PARD3B: variants seen among roughly 807,000 people sequenced by gnomAD.
The protein encoded by PARD3B is par-3 family cell polarity regulator beta, also known as partitioning defective 3 homolog B.
Under a neutral mutation model 130.2 loss-of-function variants are expected in PARD3B, and 103 were observed. The observed-to-expected ratio is 0.79, with a 90% CI of 0.67 to 0.93. PARD3B has a LOEUF of 0.93. PARD3B is among the 40% of genes least tolerant of loss of function. The probability of loss-of-function intolerance (pLI) is 0.00; values close to 1 mark genes in which losing one functional copy is unlikely to be tolerated. For synonymous variants in PARD3B, 583 were observed against 553.2 expected, an observed-to-expected ratio of 1.05 and a Z score of -0.76; for missense variants, 1,609 against 1,499.2, an observed-to-expected ratio of 1.07 and a Z score of -1.21.
At chr2:205,328,663 C>T (rs1395246166) in intron 18 of PARD3B, among the ~76,000 whole-genome samples, 1 of 152,108 alleles carries the variant, frequency 6.6e-6, no homozygotes, top group Non-Finnish European at 1.5e-5. Context: ...ACTTTAAAAA[C>T]ACTGTAACCT....
intron 19 of PARD3B, among the ~76,000 whole-genome samples, chr2:205,409,096 G>A (rs143305606): frequency 3.4e-4 from 52 of 152,294 alleles, no homozygotes; most frequent in Non-Finnish European, 6.2e-4. Context: ...ACTTGGTGGT[G>A]TTTCTCAGGA....
chr2:204,889,365 C>G (rs2125685797), intron 2 of PARD3B, among the ~76,000 whole-genome samples: 1 of 152,306 alleles, frequency 6.6e-6, no homozygotes, highest in East Asian at 1.9e-4. Flanking sequence ...TGTCTCTCTA[C>G]TATATATAAA....
At chr2:205,082,671 C>A (rs928765377) in intron 4 of PARD3B, among the ~76,000 whole-genome samples, 5 of 151,782 alleles carry the variant, frequency 3.3e-5, no homozygotes, top group Admixed American at 2.0e-4. Context: ...TGTTACATGT[C>A]CATGTTCCAT....
chr2:204,965,131 T>C (rs369974477), intron 2 of PARD3B, 21 bp from the exon 3 acceptor site: 1 of 1,609,152 alleles, frequency 6.2e-7, no homozygotes, highest in Non-Finnish European at 8.5e-7. Context: ...AAGTAATTAG[T>C]GTTGTTGGAT....
At chr2:204,617,408 C>A (rs2034148529) in intron 1 of PARD3B, among the ~76,000 whole-genome samples, 1 of 152,116 alleles carries the variant, frequency 6.6e-6, no homozygotes, top group Non-Finnish European at 1.5e-5. Flanking sequence ...CTGTTGCTTT[C>A]CCAGGTAAAA....
At chr2:204,888,730 C>CAAAA (rs11315348) in intron 2 of PARD3B, among the ~76,000 whole-genome samples, 5 of 81,376 alleles carry the variant, frequency 6.1e-5, no homozygotes, top group Admixed American at 1.4e-4. Context: ...GACCCTGTCT[C>CAAAA]AAAAAAAAAA....
chr2:204,853,847 C>A (rs1441610085), intron 2 of PARD3B, among the ~76,000 whole-genome samples: 1 of 151,886 alleles, frequency 6.6e-6, no homozygotes, highest in Non-Finnish European at 1.5e-5. Flanking sequence ...TAAGTAATTG[C>A]ACAAATAAGT....
chr2:204,730,619 T>C (rs1479197109), intron 2 of PARD3B, among the ~76,000 whole-genome samples: 1 of 151,366 alleles, frequency 6.6e-6, no homozygotes, highest in African/African-American at 2.4e-5. Context: ...GGCCTTTGTC[T>C]TTTGAAAGAA....
At chr2:204,745,824 GGCCTA>G (rs1304031543) in intron 2 of PARD3B, among the ~76,000 whole-genome samples, 10 of 152,042 alleles carry the variant, frequency 6.6e-5, no homozygotes, top group African/African-American at 1.7e-4. Context: ...CTGTCTCTAA[GGCCTA>G]GCACTATTCA....
At chr2:205,531,364 A>G (rs2051585008) in intron 21 of PARD3B, among the ~76,000 whole-genome samples, 1 of 152,194 alleles carries the variant, frequency 6.6e-6, no homozygotes, top group South Asian at 2.1e-4. Context: ...ATAGCCTGCA[A>G]GATCAGAGGC....
intron 22 of PARD3B, among the ~76,000 whole-genome samples, chr2:205,598,983 T>C (rs1392840925): frequency 1.3e-5 from 2 of 152,324 alleles, no homozygotes; most frequent in Admixed American, 1.3e-4. Flanking sequence ...AGAGGAAAGT[T>C]TGTAGCACTA....
intron 15 of PARD3B, among the ~76,000 whole-genome samples, chr2:205,243,733 A>C (rs1408348492): frequency 6.6e-6 from 1 of 152,166 alleles, no homozygotes; most frequent in East Asian, 1.9e-4. Context: ...AGTGGTTAAG[A>C]GTGCCATATT....
At chr2:204,957,664 AC>A (rs1225077565) in intron 2 of PARD3B, among the ~76,000 whole-genome samples, 1 of 152,134 alleles carries the variant, frequency 6.6e-6, no homozygotes, top group Non-Finnish European at 1.5e-5. Context: ...AAGGAAGAGA[AC>A]GTACTTTGAA....
chr2:204,694,300 C>CT (rs1425180428), intron 2 of PARD3B, among the ~76,000 whole-genome samples: 2 of 151,918 alleles, frequency 1.3e-5, no homozygotes, highest in African/African-American at 2.4e-5. Context: ...ATTAAGTGGT[C>CT]TTTTTTTCTT....
chr2:205,596,909 T>A (rs2054592111), intron 22 of PARD3B, among the ~76,000 whole-genome samples: 1 of 152,264 alleles, frequency 6.6e-6, no homozygotes, highest in South Asian at 2.1e-4. Flanking sequence ...ATAGTCAGAA[T>A]TGGGAGGTAC....
chr2:205,564,243 C>T lies in PARD3B; in HGVS notation c.3260+10840C>T, dbSNP rs972853114. Among the ~76,000 whole-genome samples the T allele has an allele frequency of 1.3e-5, 2 of 152,116 alleles. No individual in the cohort carries two copies. Among genetic ancestry groups the T allele is most frequent in the Admixed American group, 1.3e-4 (2 of 15,288 alleles). On this transcript the variant is annotated intron_variant, in intron 22 of 22. Coordinates refer to ENST00000406610, the MANE Select transcript of PARD3B (RefSeq NM_001302769.2). The surrounding 1 kb of genome is among the most constrained non-coding windows in gnomAD (Gnocchi z 4.6). ...CAGGTAGGAGAGACACATTACGTGA[C>T]CATCCTTTCCTGAGGCAGCCCTCAC...
Position 205,288,930 on chromosome 2 carries a change from G to C in PARD3B, c.2186-11600G>C, listed in dbSNP as rs1018927607. Among the ~76,000 whole-genome samples, 3 of 152,176 alleles carry C rather than the reference G, an allele frequency of 2.0e-5. No homozygotes were observed. In the East Asian group the frequency reaches 5.8e-4, roughly 29 times the overall value. On this transcript the variant is annotated intron_variant, in intron 16 of 22. Transcript: ENST00000406610. The surrounding 1 kb of genome is among the most constrained non-coding windows in gnomAD (Gnocchi z 4.0). ...TGCTCTATGTCAGCATTCTTGGTAC[G>C]TGGTTTGCAGAGATACCTGCTGGCC...
At chr2:205,399,312 TTTTTG>T (rs550961011) in intron 18 of PARD3B, among the ~76,000 whole-genome samples, 7 of 152,028 alleles carry the variant, frequency 4.6e-5, no homozygotes, top group East Asian at 1.9e-4. Context: ...CCCCAAGTTT[TTTTTG>T]TTTTGTTTTG....
chr2:205,521,994 G>A (rs1377093881), intron 21 of PARD3B, among the ~76,000 whole-genome samples: 2 of 151,830 alleles, frequency 1.3e-5, no homozygotes, highest in East Asian at 3.8e-4. Flanking sequence ...ATTTGGAAAA[G>A]GAGATTATTT....
Sources: allele counts gnomAD v4.1 joint callset (sites outside exome capture counted in the v4.1 genomes callset), GRCh38; gene constraint gnomAD v4.1.1; non-coding constraint Gnocchi (gnomAD v3.1); transcripts MANE v1.5; gene names NCBI Gene and HGNC (gene_info 2026-07-23, HGNC 2026-07-21).